Variants in ZNF333 observed in about 807,000 individuals in gnomAD.
ZNF333 encodes zinc finger protein 333.
In ZNF333, 61 loss-of-function variants were observed where a neutral mutation model predicts 76.1. That is an observed-to-expected ratio of 0.80 (90% confidence interval 0.65 to 0.99). The LOEUF (loss-of-function observed/expected upper bound fraction) is 0.99. Ranked by LOEUF, ZNF333 falls within the 50% of genes least tolerant of loss-of-function variation. The pLI, the probability that ZNF333 is intolerant of heterozygous loss-of-function variation, is 0.00. For missense variants in ZNF333, 717 were observed against 822.4 expected (o/e 0.87, Z 1.57); for synonymous variants, 284 against 305.0 (o/e 0.93, Z 0.72).
At chr19:14,729,263 G>A (rs908537576) in intron 11 of ZNF333, among the ~76,000 whole-genome samples, 1 of 152,154 alleles carries the variant, frequency 6.6e-6, no homozygotes. Flanking sequence ...TTTGCTGTAG[G>A]AACTGCCCTA....
intron 5 of ZNF333, among the ~76,000 whole-genome samples, chr19:14,700,846 C>T (rs571127007): frequency 1.8e-4 from 27 of 152,290 alleles, no homozygotes; most frequent in African/African-American, 5.8e-4. Context: ...AGCATCAGAG[C>T]GTCAGGGATG....
chr19:14,718,327 G>A lies in ZNF333; in HGVS notation c.1000G>A (p.Gly334Arg). Residue 334 changes from glycine to arginine, a missense_variant, in exon 12 of 12, where the codon GGA becomes AGA. Coordinates refer to ENST00000292530, the MANE Select transcript of ZNF333 (RefSeq NM_032433.4). The part of the protein sequence containing the change: ...PLFQYQRIHA[G>R]EASCECQEIR... The stretch of plus-strand genomic sequence containing the variant: ...TTTCCAGTACCAGAGAATTCATGCT[G>A]GAGAGGCATCCTGTGAATGTCAAGA... 1 of 1,614,168 alleles carries A rather than the reference G, an allele frequency of 6.2e-7. No homozygotes were observed. Among genetic ancestry groups the A allele is most frequent in the East Asian group, 2.2e-5 (1 of 44,882 alleles).
exon 12 of ZNF333, chr19:14,733,126 C>T (rs1397281512): frequency 1.3e-5 from 2 of 152,150 alleles, no homozygotes; most frequent in African/African-American, 4.8e-5. Flanking sequence ...ATCCCATGCA[C>T]CCATCATGTA....
intron 7 of ZNF333, chr19:14,715,133 G>C: frequency 2.2e-6 from 1 of 451,940 alleles, no homozygotes; most frequent in Non-Finnish European, 4.1e-6. Flanking sequence ...CATGTGGTAT[G>C]TAACTGTGTA....
chr19:14,714,901 AG>A, intron 7 of ZNF333: 1 of 158,846 alleles, frequency 6.3e-6, no homozygotes, highest in Admixed American at 6.2e-5. Context: ...GTAGAGGGGC[AG>A]AGAAAGGGGC....
At chr19:14,728,799 T>G (rs1198107796) in intron 11 of ZNF333, among the ~76,000 whole-genome samples, 1 of 152,202 alleles carries the variant, frequency 6.6e-6, no homozygotes, top group Non-Finnish European at 1.5e-5. Flanking sequence ...GCAGTTTACT[T>G]CTGCAGAAGG....
At chr19:14,710,634 C>T (rs1445903350) in intron 7 of ZNF333, among the ~76,000 whole-genome samples, 7 of 152,076 alleles carry the variant, frequency 4.6e-5, no homozygotes, top group East Asian at 1.9e-4. Flanking sequence ...AAAAATTAGC[C>T]GAGCATGGTG....
chr19:14,704,662 GA>G (rs1209742619), intron 5 of ZNF333, among the ~76,000 whole-genome samples: 2 of 152,158 alleles, frequency 1.3e-5, no homozygotes, highest in African/African-American at 2.4e-5. Context: ...CTTGTGCAGG[GA>G]AACTCCCCTT....
chr19:14,706,544 C>G (rs1002099370), intron 6 of ZNF333, 142 bp from the exon 7 acceptor site: 6 of 722,416 alleles, frequency 8.3e-6, no homozygotes, highest in Non-Finnish European at 1.5e-5. Flanking sequence ...TAAATCCTGA[C>G]AAGGTAAATG....
intron 7 of ZNF333, among the ~76,000 whole-genome samples, chr19:14,712,286 C>A (rs970153621): frequency 1.3e-5 from 2 of 151,744 alleles, no homozygotes; most frequent in African/African-American, 4.8e-5. Context: ...GTGGTGCAAT[C>A]TTGGCTCACT....
Position 14,721,691 on chromosome 19 carries a change from C to A in ZNF333, c.*2366C>A, listed in dbSNP as rs1368970757. ...CTGTTTACAAACATTTGAGTTCTGT[C>A]CTCCAGGTTCATCCATGTTATCACA... On this transcript the variant is annotated 3_prime_UTR_variant, in exon 12 of 12. Coordinates refer to ENST00000292530, the MANE Select transcript of ZNF333 (RefSeq NM_032433.4). 1.3e-5 allele frequency: 2 copies of A among 152,180 alleles called. No homozygotes were observed. The highest frequency in any genetic ancestry group is 1.3e-4 in the Admixed American group (2 of 15,280). The allele number at this position is 152,180 out of a possible 1,614,324, so 9.4% of individuals were successfully genotyped here.
chr19:14,728,019 G>C (rs989438428), intron 11 of ZNF333, among the ~76,000 whole-genome samples: 1 of 152,160 alleles, frequency 6.6e-6, no homozygotes. Flanking sequence ...TCAGGAGATC[G>C]AGACCATCCT....
At chr19:14,732,898 C>A (rs1397562854) in exon 12 of ZNF333, 1 of 152,112 alleles carries the variant, frequency 6.6e-6, no homozygotes, top group Non-Finnish European at 1.5e-5. Context: ...GCTGTAAATA[C>A]CTGGCTCACA....
chr19:14,698,899 G>GAGAT (rs1373655405), intron 4 of ZNF333, among the ~76,000 whole-genome samples: 6 of 132,710 alleles, frequency 4.5e-5, no homozygotes, highest in Non-Finnish European at 8.0e-5. Flanking sequence ...CACAAATATA[G>GAGAT]ATATATATAT....
chr19:14,718,635 C>G lies in ZNF333; in HGVS notation c.1308C>G (p.Asn436Lys), dbSNP rs1211067504. Residue 436 changes from asparagine (N) to lysine (K), a missense_variant, in exon 12 of 12, where the codon AAC (asparagine) becomes AAG (lysine). Asn to Lys is a moderately conservative substitution (Grantham distance 94). Coordinates refer to ENST00000292530, the MANE Select transcript of ZNF333 (RefSeq NM_032433.4). The stretch of plus-strand genomic sequence containing the variant: ...GGAAAACCTTCACGAGGAACTTTAA[C>G]CTGATTTTGCACCAGAGAAACCACA... ...QCGKTFTRNF[N>K]LILHQRNHTG... is the part of the protein sequence containing the mutation. 12 of 1,613,754 alleles carry G rather than the reference C, an allele frequency of 7.4e-6. No individual in the cohort carries two copies. In the Middle Eastern group the frequency reaches 8.2e-4, roughly 111 times the overall value.
In ZNF333 at chr19:14,721,638, G is replaced by C. The variant is rs2042588796; in HGVS notation, c.*2313G>C. ...ATTGCTGTGTAATAGTCCATAGTCT[G>C]AATATACCACAATTTAAAAATTCTA... On this transcript the variant is annotated 3_prime_UTR_variant, in exon 12 of 12. Transcript: ENST00000292530. 6.6e-6 allele frequency: 1 copy of C among 152,110 alleles called. No homozygotes were observed. The highest frequency in any genetic ancestry group is 2.1e-4 in the South Asian group (1 of 4,824). 9.4% of individuals were successfully genotyped at this position (152,110 alleles called of 1,614,324 possible).
chr19:14,706,177 G>T, intron 6 of ZNF333: 1 of 457,378 alleles, frequency 2.2e-6, no homozygotes, highest in South Asian at 1.5e-5. Context: ...ACAGGCACCT[G>T]GGCTCCACCC....
chr19:14,694,870 A>T (rs1973057909), intron 2 of ZNF333, 140 bp from the exon 3 acceptor site: 1 of 1,360,328 alleles, frequency 7.4e-7, no homozygotes, highest in Middle Eastern at 1.9e-4. Flanking sequence ...CCAAGAAAAC[A>T]TTATTTACAA....
chr19:14,720,856 A>G lies in ZNF333; in HGVS notation c.*1531A>G. 1.0e-6 allele frequency: 1 copy of G among 962,046 alleles called. No individual in the cohort carries two copies. Among genetic ancestry groups the G allele is most frequent in the Non-Finnish European group, 1.2e-6 (1 of 808,812 alleles). 59.6% of individuals were successfully genotyped at this position (962,046 alleles called of 1,614,324 possible). On this transcript the variant is annotated 3_prime_UTR_variant, in exon 12 of 12. Coordinates refer to ENST00000292530, the MANE Select transcript of ZNF333 (RefSeq NM_032433.4). ...CCACCATGATTATGTATTGCTGAAAAATCTTTGTCATTCTGTCAGTTTTTA... is the reference window on the plus strand; with the variant it reads ...CCACCATGATTATGTATTGCTGAAAGATCTTTGTCATTCTGTCAGTTTTTA...
Sources: gnomAD v4.1 joint callset for allele counts (sites outside exome capture counted in the v4.1 genomes callset) on GRCh38, gnomAD v4.1.1 for gene constraint, MANE v1.5 for transcripts, NCBI Gene and HGNC (gene_info 2026-07-23, HGNC 2026-07-21) for gene names.